The following KCNJ5 variants were observed in gnomAD, a reference collection of about 807,000 sequenced individuals.
KCNJ5 encodes the protein potassium inwardly rectifying channel subfamily J member 5, also known as G protein-activated inward rectifier potassium channel 4.
In KCNJ5, 12 loss-of-function variants were observed where a neutral mutation model predicts 20.2. That is an observed-to-expected ratio of 0.59 (90% CI 0.38 to 0.96). KCNJ5 has a LOEUF of 0.96. Ranked by LOEUF, KCNJ5 falls within the 40% of genes least tolerant of loss-of-function variation. The pLI is 0.00. For synonymous variants in KCNJ5, 210 were observed against 213.9 expected (o/e 0.98, Z 0.16); for missense variants, 449 against 557.6 (o/e 0.81, Z 1.96).
rs56658633 is a variant in KCNJ5 at position 128,916,102 on chromosome 11, TTGGATGGATGGA to T, written c.938-273_938-262del. On this transcript the variant is annotated intron_variant, in intron 2 of 2. Transcript: ENST00000529694. ...TTTCCATATCTGGATGGATAGATAA[TTGGATGGATGGA>T]TGGATGGATGGATGGATGGATGGAT... is the stretch of plus-strand genomic sequence containing the variant. Among the ~76,000 whole-genome samples the T allele has an allele frequency of 8.2e-3, 964 of 117,982 alleles. 14 individuals are homozygous for T. Among genetic ancestry groups the T allele is most frequent in the African/African-American group, 0.029 (909 of 30,900 alleles). The allele number at this position is 117,982 out of a possible 152,430, so 77.4% of individuals were successfully genotyped here.
chr11:128,914,418 T>C (rs1257717547), intron 2 of KCNJ5, among the ~76,000 whole-genome samples: 1 of 152,000 alleles, frequency 6.6e-6, no homozygotes, highest in African/African-American at 2.4e-5. Flanking sequence ...TTGGCCTCCT[T>C]CCCCTCCCAC....
chr11:128,897,882 G>T (rs932942700), intron 1 of KCNJ5, among the ~76,000 whole-genome samples: 1 of 152,136 alleles, frequency 6.6e-6, no homozygotes, highest in Non-Finnish European at 1.5e-5. Flanking sequence ...CAATTGCTCC[G>T]GCACCATTTG....
At chr11:128,916,316 G>T (rs138110606) in intron 2 of KCNJ5, 93 bp from the exon 3 acceptor site, 4 of 910,054 alleles carry the variant, frequency 4.4e-6, no homozygotes, top group Non-Finnish European at 7.2e-6. Context: ...ATGGATAGAT[G>T]GATGGATGGA....
At chr11:128,903,534 G>C in intron 1 of KCNJ5, 1 of 1,613,204 alleles carries the variant, frequency 6.2e-7, no homozygotes, top group Non-Finnish European at 8.5e-7. Context: ...AGAATCCAGT[G>C]AAGGGGTGTT....
chr11:128,908,489 C>A (rs550045696), intron 1 of KCNJ5, among the ~76,000 whole-genome samples: 22 of 152,310 alleles, frequency 1.4e-4, no homozygotes, highest in African/African-American at 5.3e-4. Context: ...CACAGGAATG[C>A]GTCCCAATAT....
Position 128,916,769 on chromosome 11 carries a change from C to A in KCNJ5, c.*38C>A. 1 of 1,458,646 alleles carries A rather than the reference C, an allele frequency of 6.9e-7. No individual in the cohort carries two copies. Among genetic ancestry groups the A allele is most frequent in the South Asian group, 1.2e-5 (1 of 82,274 alleles). 90.4% of individuals were successfully genotyped at this position (1,458,646 alleles called of 1,614,324 possible). On this transcript the variant is annotated 3_prime_UTR_variant, in exon 3 of 3. Coordinates refer to ENST00000529694, the MANE Select transcript of KCNJ5 (RefSeq NM_000890.5). ...CCCTAAGACCTCCTGTCACTGGCTTCAGTGAACACAGACACTGCAGAGCCT... is the reference window on the plus strand; with the variant it reads ...CCCTAAGACCTCCTGTCACTGGCTTAAGTGAACACAGACACTGCAGAGCCT...
At chr11:128,896,395 G>A (rs1185597517) in intron 1 of KCNJ5, among the ~76,000 whole-genome samples, 1 of 152,088 alleles carries the variant, frequency 6.6e-6, no homozygotes, top group South Asian at 2.1e-4. Context: ...CCATCACCAG[G>A]AGGACCTCTT....
chr11:128,904,353 T>C, intron 1 of KCNJ5: 1 of 1,584,646 alleles, frequency 6.3e-7, no homozygotes, highest in Non-Finnish European at 8.6e-7. Context: ...GCACTGATTT[T>C]TTTTGCCTGT....
chr11:128,916,525 C>T lies in KCNJ5; in HGVS notation c.1054C>T (p.His352Tyr). The T allele has an allele frequency of 6.2e-7, 1 of 1,614,164 alleles. No homozygotes were observed. Among genetic ancestry groups the T allele is most frequent in the Non-Finnish European group, 8.5e-7 (1 of 1,180,024 alleles). ...GFYEVDYNTF[H>Y]DTYETNTPSC... ...CTATGAGGTGGACTACAACACCTTC[C>T]ATGATACCTATGAGACCAACACACC... is the stretch of plus-strand genomic sequence containing the variant. The change falls in exon 3 of 3, where the codon CAT becomes TAT. Residue 352 changes from histidine (H) to tyrosine (Y), a missense_variant. This residue lies in a region of KCNJ5 where 34 missense variants were observed against 63.8 expected (regional missense o/e 0.53). Coordinates refer to ENST00000529694, the MANE Select transcript of KCNJ5 (RefSeq NM_000890.5).
At chr11:128,898,663 T>C (rs1187376283) in intron 1 of KCNJ5, among the ~76,000 whole-genome samples, 2 of 152,178 alleles carry the variant, frequency 1.3e-5, no homozygotes, top group African/African-American at 4.8e-5. Context: ...CTCAACTCCT[T>C]ACTCTGATTT....
intron 1 of KCNJ5, chr11:128,901,535 A>G (rs1375020861): frequency 1.3e-5 from 2 of 152,278 alleles, no homozygotes; most frequent in Non-Finnish European, 2.9e-5. Context: ...CACAGACAGG[A>G]AAGATGCTCC....
At chr11:128,902,445 GGGA>G (rs2135988733) in intron 1 of KCNJ5, 1 of 1,401,740 alleles carries the variant, frequency 7.1e-7, no homozygotes, top group Middle Eastern at 2.4e-4. Flanking sequence ...GTGCCAGTTA[GGGA>G]GGAGAAGGCA....
intron 1 of KCNJ5, chr11:128,903,296 A>C: frequency 2.6e-6 from 4 of 1,551,328 alleles, no homozygotes; most frequent in Non-Finnish European, 3.5e-6. Flanking sequence ...AAAGCCTACT[A>C]ATTGCACGTG....
At chr11:128,895,654 G>A (rs191366272) in intron 1 of KCNJ5, among the ~76,000 whole-genome samples, 259 of 152,370 alleles carry the variant, frequency 1.7e-3, no homozygotes, top group Admixed American at 5.6e-3. Context: ...CCTTGTGTAG[G>A]CACCTGAGCT....
intron 1 of KCNJ5, among the ~76,000 whole-genome samples, chr11:128,896,483 T>G (rs1248616062): frequency 6.6e-6 from 1 of 152,202 alleles, no homozygotes; most frequent in Non-Finnish European, 1.5e-5. Context: ...CTGGTCTGTG[T>G]TTGTCATCTC....
Position 128,911,085 on chromosome 11 carries a change from C to G in KCNJ5, c.-10-179C>G. On this transcript the variant is annotated intron_variant, in intron 1 of 2. Coordinates refer to ENST00000529694, the MANE Select transcript of KCNJ5 (RefSeq NM_000890.5). The surrounding 1 kb of genome is among the most constrained non-coding windows in gnomAD (Gnocchi z 6.3). ...TTGTGCTAGACTCTGTACTAGGCAC[C>G]AGGGATACAAAAGAACCCTATAAGA... The G allele has an allele frequency of 1.6e-6, 1 of 619,376 alleles. No individual in the cohort carries two copies. Among genetic ancestry groups the G allele is most frequent in the Non-Finnish European group, 2.9e-6 (1 of 348,888 alleles). The allele number at this position is 619,376 out of a possible 1,614,324, so 38.4% of individuals were successfully genotyped here.
intron 1 of KCNJ5, among the ~76,000 whole-genome samples, chr11:128,892,034 T>C (rs1591435760): frequency 6.6e-6 from 1 of 151,602 alleles, no homozygotes; most frequent in Non-Finnish European, 1.5e-5. Flanking sequence ...TGGCCAGGAG[T>C]GGGTGGGGTG....
At position 128,917,632 on chromosome 11, in the gene KCNJ5, GT is replaced by G. The variant is rs869268096; in HGVS notation, c.*908del. ...GTTTTGTTTTGTTTTGTTTTGTTTT[GT>G]TTTTTTCACAATCTCAGCCAGCCTG... On this transcript the variant is annotated 3_prime_UTR_variant, in exon 3 of 3. Coordinates refer to ENST00000529694, the MANE Select transcript of KCNJ5 (RefSeq NM_000890.5). 2 of 115,416 alleles carry G rather than the reference GT, an allele frequency of 1.7e-5. No individual in the cohort carries two copies. The highest frequency in any genetic ancestry group is 1.8e-4 in the Admixed American group (2 of 10,988). The allele number at this position is 115,416 out of a possible 1,614,324, so 7.1% of individuals were successfully genotyped here. A position where few individuals can be genotyped will look rare whatever the true frequency, so the allele number is the denominator to read the frequency against.
chr11:128,916,421 A>G lies in KCNJ5; in HGVS notation c.950A>G (p.Gln317Arg), dbSNP rs1208778452. Reference protein sequence around the residue: ...GMVEATGMTCQARSSYMDTEV... With the variant: ...GMVEATGMTCRARSSYMDTEV... ...TCCGTTTCCCCAGGCATGACCTGCC[A>G]AGCCCGGAGCTCCTACATGGATACA... Residue 317 changes from glutamine to arginine, a missense_variant, in exon 3 of 3, where the codon CAA becomes CGA. Physicochemically the swap from Gln to Arg is conservative, Grantham distance 43 (BLOSUM62 1). Coordinates refer to ENST00000529694, the MANE Select transcript of KCNJ5 (RefSeq NM_000890.5). The G allele has an allele frequency of 1.2e-6, 2 of 1,614,082 alleles. No individual in the cohort carries two copies. Among genetic ancestry groups the G allele is most frequent in the African/African-American group, 2.7e-5 (2 of 74,942 alleles).
Sources: allele counts gnomAD v4.1 joint callset (sites outside exome capture counted in the v4.1 genomes callset), GRCh38; gene constraint gnomAD v4.1.1; regional missense constraint gnomAD v4.1.1; non-coding constraint Gnocchi (gnomAD v3.1); transcripts MANE v1.5; gene names NCBI Gene and HGNC (gene_info 2026-07-23, HGNC 2026-07-21).